LYN: variants seen among roughly 807,000 people sequenced by gnomAD.
The protein encoded by LYN is LYN proto-oncogene, Src family tyrosine kinase, also known as tyrosine-protein kinase Lyn.
A neutral mutation model predicts 65.0 loss-of-function variants in LYN; 12 were observed. The ratio of observed to expected loss-of-function variants is 0.18; its 90% confidence interval spans 0.12 to 0.30. LYN has a LOEUF of 0.30. Among genes scored for constraint, LYN ranks in the 10% least tolerant of loss-of-function variants. The pLI is 1.00. For synonymous variants in LYN, 222 were observed against 221.2 expected (o/e 1.00, Z -0.03); for missense variants, 380 against 623.2 (o/e 0.61, Z 4.16).
chr8:55,975,528 A>G (rs1247733592), intron 10 of LYN, among the ~76,000 whole-genome samples: 1 of 152,250 alleles, frequency 6.6e-6, no homozygotes, highest in Admixed American at 6.5e-5. Flanking sequence ...TGCAGATGAC[A>G]TTGATATAAG....
At chr8:55,966,074 A>G (rs1483148021) in intron 8 of LYN, among the ~76,000 whole-genome samples, 2 of 152,002 alleles carry the variant, frequency 1.3e-5, no homozygotes, top group African/African-American at 4.8e-5. Flanking sequence ...GCAGTGAGCC[A>G]AGATCGTGCC....
intron 1 of LYN, among the ~76,000 whole-genome samples, chr8:55,889,391 T>C (rs1023259147): frequency 6.6e-6 from 1 of 152,136 alleles, no homozygotes; most frequent in Non-Finnish European, 1.5e-5. Flanking sequence ...TTTGTAGAGA[T>C]GGGGTTTGGC....
At chr8:55,948,208 A>G (rs1806840761) in intron 4 of LYN, among the ~76,000 whole-genome samples, 1 of 152,150 alleles carries the variant, frequency 6.6e-6, no homozygotes, top group Non-Finnish European at 1.5e-5. Context: ...TCCTGCTGTC[A>G]AGCAATTCTC....
intron 1 of LYN, among the ~76,000 whole-genome samples, chr8:55,938,273 A>G (rs1806499937): frequency 1.3e-5 from 2 of 152,242 alleles, no homozygotes; most frequent in South Asian, 2.1e-4. Context: ...TGCAATGAAC[A>G]GACTAGAGTT....
chr8:55,898,015 G>GT (rs1805166603), intron 1 of LYN, among the ~76,000 whole-genome samples: 1 of 152,094 alleles, frequency 6.6e-6, no homozygotes, highest in African/African-American at 2.4e-5. Flanking sequence ...AACTTTTTAT[G>GT]TTTTTTAAAT....
At chr8:55,949,737 G>GTC (rs141389031) in intron 4 of LYN, among the ~76,000 whole-genome samples, 8 of 151,616 alleles carry the variant, frequency 5.3e-5, no homozygotes, top group South Asian at 4.2e-4. Flanking sequence ...TCTTTTCTTT[G>GTC]TCTCTCTCTC....
At chr8:55,903,054 G>A (rs187055728) in intron 1 of LYN, among the ~76,000 whole-genome samples, 346 of 152,256 alleles carry the variant, frequency 2.3e-3, no homozygotes, top group Non-Finnish European at 3.3e-3. Context: ...TCACCATATC[G>A]GCCAGGCTGG....
At position 55,902,658 on chromosome 8, in the gene LYN, A is replaced by G. The variant is rs188981231; in HGVS notation, c.-6+22555A>G. 2.9e-5 allele frequency: 11 copies of G among 382,712 alleles called. No homozygotes were observed. The Admixed American group carries it at 3.7e-4, about 13-fold the overall frequency. 23.7% of individuals were successfully genotyped at this position (382,712 alleles called of 1,614,324 possible). On this transcript the variant is annotated intron_variant, in intron 1 of 12. Transcript: ENST00000519728. ...ATGAGATAAGAGCTGAAAATTCCTT[A>G]TTACTTAAATGTTATTTTGAAAGTC...
At chr8:55,908,167 A>T (rs897774783) in intron 1 of LYN, among the ~76,000 whole-genome samples, 1 of 152,164 alleles carries the variant, frequency 6.6e-6, no homozygotes, top group Non-Finnish European at 1.5e-5. Context: ...GAAAGCTAAA[A>T]ATAGAATTAA....
At chr8:56,003,090 C>T (rs1480951605) in intron 12 of LYN, among the ~76,000 whole-genome samples, 4 of 147,874 alleles carry the variant, frequency 2.7e-5, no homozygotes, top group Admixed American at 6.7e-5. Flanking sequence ...GACAGAATCT[C>T]GCTCTGTTGC....
chr8:55,997,138 G>A (rs1808393749), intron 10 of LYN, among the ~76,000 whole-genome samples: 1 of 150,444 alleles, frequency 6.6e-6, no homozygotes, highest in Non-Finnish European at 1.5e-5. Context: ...CTCCAGCCTG[G>A]GGGAGACAGT....
At chr8:55,931,957 A>G (rs1381406337) in intron 1 of LYN, among the ~76,000 whole-genome samples, 2 of 152,230 alleles carry the variant, frequency 1.3e-5, no homozygotes, top group Admixed American at 6.5e-5. Flanking sequence ...ATTTAAATTT[A>G]TAAGCCTCAA....
At chr8:55,901,129 G>T (rs1340308630) in intron 1 of LYN, among the ~76,000 whole-genome samples, 2 of 152,090 alleles carry the variant, frequency 1.3e-5, no homozygotes, top group Non-Finnish European at 2.9e-5. Context: ...GTGGCCGTGT[G>T]TCTCATATGA....
intron 1 of LYN, among the ~76,000 whole-genome samples, chr8:55,939,166 C>T (rs1329417796): frequency 3.3e-5 from 5 of 152,170 alleles, no homozygotes; most frequent in Admixed American, 3.3e-4. Context: ...TGCTCATCCC[C>T]ATGTCACATG....
intron 1 of LYN, among the ~76,000 whole-genome samples, chr8:55,903,646 G>A (rs1475643642): frequency 1.3e-5 from 2 of 152,172 alleles, no homozygotes; most frequent in African/African-American, 4.8e-5. Flanking sequence ...GAATAATTAA[G>A]TTTTATTGAG....
chr8:55,930,330 TTACATGCATTTAGATAAGCTGACAAC>T (rs1806224682), intron 1 of LYN, among the ~76,000 whole-genome samples: 1 of 152,228 alleles, frequency 6.6e-6, no homozygotes, highest in South Asian at 2.1e-4. Flanking sequence ...TTCTATTATG[TTACATGCATTTAGATAAGCTGACAAC>T]TCTTAAAGTG....
At chr8:55,885,292 G>A (rs922774391) in intron 1 of LYN, among the ~76,000 whole-genome samples, 1 of 152,204 alleles carries the variant, frequency 6.6e-6, no homozygotes, top group African/African-American at 2.4e-5. Context: ...GTAGAACACT[G>A]GGAAGAAGTC....
chr8:55,970,345 C>T (rs1005431157), intron 10 of LYN, among the ~76,000 whole-genome samples: 1 of 152,144 alleles, frequency 6.6e-6, no homozygotes, highest in Non-Finnish European at 1.5e-5. Flanking sequence ...ACTTTGGAAT[C>T]ACATGTTTCC....
chr8:55,908,703 A>G (rs1466405401), intron 1 of LYN, among the ~76,000 whole-genome samples: 2 of 152,072 alleles, frequency 1.3e-5, no homozygotes, highest in East Asian at 3.9e-4. Context: ...TGAGTAGCAC[A>G]CATTGTACCC....
Sources: allele counts gnomAD v4.1 joint callset (sites outside exome capture counted in the v4.1 genomes callset), GRCh38; gene constraint gnomAD v4.1.1; transcripts MANE v1.5; gene names NCBI Gene and HGNC (gene_info 2026-07-23, HGNC 2026-07-21).